DPP10: variants seen among roughly 807,000 people sequenced by gnomAD.
DPP10 encodes the protein dipeptidyl peptidase like 10, also known as inactive dipeptidyl peptidase 10.
A neutral mutation model predicts 120.9 loss-of-function variants in DPP10; 33 were observed. The observed-to-expected ratio is 0.27, with a 90% CI of 0.21 to 0.37. DPP10 has a LOEUF of 0.37. Ranked by LOEUF, DPP10 falls within the 10% of genes least tolerant of loss-of-function variation. The pLI, the probability that DPP10 is intolerant of heterozygous loss-of-function variation, is 1.00. For synonymous variants in DPP10, 337 were observed against 326.1 expected (o/e 1.03, Z -0.36); for missense variants, 816 against 942.8 (o/e 0.87, Z 1.76).
At chr2:115,097,058 C>A (rs923931943) in intron 1 of DPP10, among the ~76,000 whole-genome samples, 1 of 152,136 alleles carries the variant, frequency 6.6e-6, no homozygotes, top group Non-Finnish European at 1.5e-5. Flanking sequence ...AAAATAACCA[C>A]TTTGATAATA....
rs78875599 is a variant in DPP10 at position 115,794,782 on chromosome 2, A to G, written c.1700+3426A>G. Among the ~76,000 whole-genome samples, 764 of 152,172 alleles carry G rather than the reference A, an allele frequency of 5.0e-3. 3 individuals are homozygous for G. The highest frequency in any genetic ancestry group is 0.017 in the African/African-American group (719 of 41,536). ...ACCCGGAGTCCTTATTCATTTTTAA[A>G]CTTATTCTATACACATCTGTATTCA... On this transcript the variant is annotated intron_variant, in intron 19 of 25. Transcript: ENST00000410059.
At chr2:115,800,377 C>T (rs1464223637) in intron 19 of DPP10, among the ~76,000 whole-genome samples, 4 of 152,070 alleles carry the variant, frequency 2.6e-5, no homozygotes, top group Admixed American at 1.3e-4. Flanking sequence ...TTCTCCCATT[C>T]TGTAGGTTGC....
At chr2:115,043,888 A>T (rs187482445) in intron 1 of DPP10, among the ~76,000 whole-genome samples, 123 of 152,196 alleles carry the variant, frequency 8.1e-4, no homozygotes, top group Admixed American at 6.1e-3. Context: ...TTTTTAAAAA[A>T]TTTTTCTAAT....
Position 115,648,645 on chromosome 2 carries a change from C to A in DPP10, c.442-41042C>A, listed in dbSNP as rs546687219. Among the ~76,000 whole-genome samples the A allele has an allele frequency of 8.5e-4, 128 of 150,858 alleles. 2 individuals are homozygous for A. Among genetic ancestry groups the A allele is most frequent in the African/African-American group, 2.7e-3 (113 of 41,188 alleles). On this transcript the variant is annotated intron_variant, in intron 5 of 25. Transcript: ENST00000410059. ...AAAAAAAGAAACATTAAAAAGTAGA[C>A]AATTTTTGTCAATTGAAAAAATTTA...
chr2:115,275,295 C>G (rs575696132), intron 1 of DPP10, among the ~76,000 whole-genome samples: 78 of 152,314 alleles, frequency 5.1e-4, no homozygotes, highest in Non-Finnish European at 1.0e-3. Context: ...CTCTCTATCT[C>G]TTTATCTCTC....
chr2:115,689,778 G>A (rs1178247931), intron 6 of DPP10, 39 bp downstream of exon 6: 1 of 1,607,634 alleles, frequency 6.2e-7, no homozygotes, highest in Non-Finnish European at 8.5e-7. Context: ...GAGCAATTGT[G>A]TTACTAAATT....
intron 1 of DPP10, among the ~76,000 whole-genome samples, chr2:114,954,744 G>A (rs139557828): frequency 1.5e-4 from 22 of 151,692 alleles, no homozygotes; most frequent in African/African-American, 5.3e-4. Context: ...AGAGAGAAAG[G>A]ACTGAAATAA....
intron 5 of DPP10, among the ~76,000 whole-genome samples, chr2:115,622,835 T>A (rs908019558): frequency 8.1e-6 from 1 of 122,702 alleles, no homozygotes; most frequent in African/African-American, 2.7e-5. Flanking sequence ...TATTCTTTTT[T>A]TTTTTTTTTT....
intron 3 of DPP10, among the ~76,000 whole-genome samples, chr2:115,446,956 C>G (rs1342617324): frequency 6.6e-6 from 1 of 152,118 alleles, no homozygotes; most frequent in South Asian, 2.1e-4. Flanking sequence ...GGTATTTGAC[C>G]AGGATGACAG....
rs1378345718 is a variant in DPP10 at position 115,162,532 on chromosome 2, G to A, written c.61-146707G>A. On this transcript the variant is annotated intron_variant, in intron 1 of 25. Transcript: ENST00000410059. ...TCTGCTTTCTTGTTTCTTTTGAGGA[G>A]ACGGGTGTGTGTTTGTGAGGTGGGG... 2.0e-5 allele frequency among the ~76,000 whole-genome samples: 3 copies of A among 152,264 alleles called. No homozygotes were observed. In the East Asian group the frequency reaches 5.9e-4, roughly 30 times the overall value.
intron 1 of DPP10, among the ~76,000 whole-genome samples, chr2:114,596,745 A>G (rs1691941789): frequency 6.6e-6 from 1 of 152,034 alleles, no homozygotes; most frequent in African/African-American, 2.4e-5. Flanking sequence ...AGAGAGAAGT[A>G]AAGTAACTTT....
chr2:114,549,834 G>T (rs1687740236), intron 1 of DPP10, among the ~76,000 whole-genome samples: 1 of 152,100 alleles, frequency 6.6e-6, no homozygotes. Context: ...TCTGAGAGCT[G>T]GAGGGGGTGT....
intron 3 of DPP10, among the ~76,000 whole-genome samples, chr2:115,352,203 A>C (rs1329145317): frequency 6.6e-6 from 1 of 152,148 alleles, no homozygotes; most frequent in Non-Finnish European, 1.5e-5. Flanking sequence ...TAAAGAAGCT[A>C]AATATTTATG....
At chr2:115,235,643 C>A (rs972323737) in intron 1 of DPP10, among the ~76,000 whole-genome samples, 50 of 152,106 alleles carry the variant, frequency 3.3e-4, no homozygotes, top group African/African-American at 1.1e-3. Context: ...CTCACTGCAA[C>A]CTCCACCTCC....
At chr2:115,769,624 T>C (rs1327854874) in intron 13 of DPP10, among the ~76,000 whole-genome samples, 1 of 152,008 alleles carries the variant, frequency 6.6e-6, no homozygotes, top group Admixed American at 6.6e-5. Flanking sequence ...TATAATGTGA[T>C]CCTATTTATG....
At chr2:115,373,066 C>A (rs2065531380) in intron 3 of DPP10, among the ~76,000 whole-genome samples, 1 of 152,136 alleles carries the variant, frequency 6.6e-6, no homozygotes, top group Non-Finnish European at 1.5e-5. Context: ...CCTTGGAAGC[C>A]ACAGGAGGGT....
At chr2:115,418,718 G>A (rs1359859330) in intron 3 of DPP10, among the ~76,000 whole-genome samples, 1 of 152,090 alleles carries the variant, frequency 6.6e-6, no homozygotes, top group Non-Finnish European at 1.5e-5. Flanking sequence ...GCTGCAGTGA[G>A]CTCTGATCAC....
chr2:114,604,607 T>C (rs550033914), intron 1 of DPP10, among the ~76,000 whole-genome samples: 1 of 152,204 alleles, frequency 6.6e-6, no homozygotes, highest in Non-Finnish European at 1.5e-5. Flanking sequence ...TCTGGTCCTT[T>C]AAATGTTGAT....
chr2:115,221,089 T>C (rs2057129972), intron 1 of DPP10, among the ~76,000 whole-genome samples: 1 of 151,644 alleles, frequency 6.6e-6, no homozygotes, highest in African/African-American at 2.4e-5. Flanking sequence ...TATTTCCACT[T>C]TTTTTTTGCC....
Sources: gnomAD v4.1 joint callset for allele counts (sites outside exome capture counted in the v4.1 genomes callset) on GRCh38, gnomAD v4.1.1 for gene constraint, MANE v1.5 for transcripts, NCBI Gene and HGNC (gene_info 2026-07-23, HGNC 2026-07-21) for gene names.